Variants in CDKN2AIP observed in about 807,000 individuals in gnomAD.
CDKN2AIP encodes the protein CDKN2A interacting protein, also known as CDKN2A-interacting protein.
Under a neutral mutation model 44.1 loss-of-function variants are expected in CDKN2AIP, and 12 were observed. That is an observed-to-expected ratio of 0.27 (90% CI 0.17 to 0.44). The LOEUF (loss-of-function observed/expected upper bound fraction) is 0.44, where lower values mean the gene tolerates loss of function less well. CDKN2AIP is among the 20% of genes least tolerant of loss of function. The pLI is 1.00. For missense variants in CDKN2AIP, 705 were observed against 681.6 expected (o/e 1.03, Z -0.38); for synonymous variants, 291 against 272.1 (o/e 1.07, Z -0.68).
In CDKN2AIP at chr4:183,444,763, CCGGTGCAGCTGTGTTCG is replaced by C; in HGVS notation, c.-31_-15del. The C allele has an allele frequency of 6.7e-7, 1 of 1,485,088 alleles. No homozygotes were observed. Among genetic ancestry groups the C allele is most frequent in the Non-Finnish European group, 9.0e-7 (1 of 1,110,140 alleles). 92.0% of individuals were successfully genotyped at this position (1,485,088 alleles called of 1,614,324 possible). On this transcript the variant is annotated 5_prime_UTR_variant, in exon 1 of 3. Transcript: ENST00000504169. ...TCGCCCCGCTAGTCCTGCCTGTCTC[CCGGTGCAGCTGTGTTCG>C]CGGCCTGCAGGCCCAACATGGCGCA... is the stretch of plus-strand genomic sequence containing the variant.
At position 183,446,376 on chromosome 4, in the gene CDKN2AIP, C is replaced by T. The variant is rs200693061; in HGVS notation, c.692C>T (p.Ser231Phe). 1.8e-5 allele frequency: 29 copies of T among 1,610,114 alleles called. No individual in the cohort carries two copies. In the East Asian group the frequency reaches 6.2e-4, roughly 35 times the overall value. ...ACAACGGCAGGATCTGGGAAAGCTT[C>T]TGAAGCAGAAGCTCCAGATAAACAC... ...QVTTAGSGKA[S>F]EAEAPDKHGS... The change falls in exon 3 of 3, where the codon TCT becomes TTT. Residue 231 changes from serine (S) to phenylalanine (F), a missense_variant. Physicochemically the swap from Ser to Phe is radical, Grantham distance 155. Coordinates refer to ENST00000504169, the MANE Select transcript of CDKN2AIP (RefSeq NM_017632.4).
In CDKN2AIP at chr4:183,446,076, TC is replaced by T. The variant is rs560289790; in HGVS notation, c.404-11del. The stretch of plus-strand genomic sequence containing the variant: ...ATTCTTAGTCACATATCTATGTTTT[TC>T]TTCTTTTTAGAAGGGGTAGAAGAGC... On this transcript the variant is annotated splice_polypyrimidine_tract_variant and intron_variant, in intron 2 of 2. Transcript: ENST00000504169. The T allele has an allele frequency of 2.5e-6, 4 of 1,575,320 alleles. No homozygotes were observed. Among genetic ancestry groups the T allele is most frequent in the South Asian group, 2.3e-5 (2 of 85,110 alleles).
chr4:183,444,660 C>G lies in CDKN2AIP; in HGVS notation c.-138C>G, dbSNP rs1440540603. On this transcript the variant is annotated 5_prime_UTR_variant, in exon 1 of 3. Coordinates refer to ENST00000504169, the MANE Select transcript of CDKN2AIP (RefSeq NM_017632.4). Reference sequence around the variant, plus strand: ...AAGTGGGCGGTTCGGCGGCTCTGGGCGCTGTTGTTTGGTCTTTAGGCCTGC... The same window carrying G: ...AAGTGGGCGGTTCGGCGGCTCTGGGGGCTGTTGTTTGGTCTTTAGGCCTGC... The G allele has an allele frequency of 3.9e-6, 3 of 777,764 alleles. No homozygotes were observed. Among genetic ancestry groups the G allele is most frequent in the South Asian group, 4.5e-5 (2 of 44,090 alleles). 48.2% of individuals were successfully genotyped at this position (777,764 alleles called of 1,614,324 possible).
chr4:183,445,943 G>A (rs1481830957), intron 2 of CDKN2AIP, 145 bp from the exon 3 acceptor site: 5 of 719,134 alleles, frequency 7.0e-6, no homozygotes, highest in African/African-American at 1.8e-5. Flanking sequence ...ACTGTTTTAA[G>A]AAATTAATGA....
chr4:183,445,213 G>T (rs1733640935), intron 1 of CDKN2AIP, 144 bp downstream of exon 1: 5 of 985,206 alleles, frequency 5.1e-6, no homozygotes, highest in African/African-American at 1.6e-5. Flanking sequence ...TGCCCTCTAA[G>T]GGGGAGAAGG....
intron 2 of CDKN2AIP, 157 bp downstream of exon 2, chr4:183,445,822 C>G: frequency 1.5e-6 from 1 of 666,904 alleles, no homozygotes; most frequent in Non-Finnish European, 2.6e-6. Flanking sequence ...ATATCTGTGT[C>G]TTTAGGCTTT....
In CDKN2AIP at chr4:183,446,277, GT is replaced by G; in HGVS notation, c.594del (p.Gln199ArgfsTer24). ...TCAGCTCGGAGCTCTGGCATCTCCAGTCAGAATAGCTCTACAAGTGATGGAG... is the reference window on the plus strand; with the variant it reads ...TCAGCTCGGAGCTCTGGCATCTCCAGCAGAATAGCTCTACAAGTGATGGAG... The part of the protein sequence containing the change: ...GNSARSSGIS[S>X]QNSSTSDGDR... On this transcript the variant is annotated frameshift_variant, in exon 3 of 3. Transcript: ENST00000504169. LOFTEE classifies it high-confidence loss of function. 6.2e-7 allele frequency: 1 copy of G among 1,614,116 alleles called. No individual in the cohort carries two copies. Among genetic ancestry groups the G allele is most frequent in the South Asian group, 1.1e-5 (1 of 91,080 alleles).
rs768951844 is a variant in CDKN2AIP at position 183,444,933 on chromosome 4, C to T, written c.136C>T (p.Leu46=). The T allele has an allele frequency of 1.2e-6, 2 of 1,611,250 alleles. No individual in the cohort carries two copies. The highest frequency in any genetic ancestry group is 1.7e-5 in the Admixed American group (1 of 59,920). The change falls in exon 1 of 3, where the codon CTG becomes TTG. Residue 46 remains leucine, a synonymous_variant. Coordinates refer to ENST00000504169, the MANE Select transcript of CDKN2AIP (RefSeq NM_017632.4). ...TTTTTTGCTTCGCAACGCCGGGGAC[C>T]TGGCCCCCGCTGGCGGCGCTGCCTC... The part of the protein sequence containing the change: ...RDFLLRNAGD[L]APAGGAASAS...
chr4:183,444,992 CGGGACCCG>C lies in CDKN2AIP; in HGVS notation c.196_203del (p.Gly66LysfsTer31). 3 of 1,604,898 alleles carry C rather than the reference CGGGACCCG, an allele frequency of 1.9e-6. No homozygotes were observed. The highest frequency in any genetic ancestry group is 1.1e-5 in the South Asian group (1 of 90,414). On this transcript the variant is annotated frameshift_variant, in exon 1 of 3. Transcript: ENST00000504169. LOFTEE classifies it high-confidence loss of function. ...CGGATGAAGCTGCCGACGCCGAGAGCGGGACCCGAAACCGGCAGCTGCAGCAGCTCATC... is the reference window on the plus strand; with the variant it reads ...CGGATGAAGCTGCCGACGCCGAGAGCAAACCGGCAGCTGCAGCAGCTCATC...
In CDKN2AIP at chr4:183,447,271, A is replaced by G. The variant is rs1416279407; in HGVS notation, c.1587A>G (p.Arg529=). Residue 529 remains arginine, a synonymous_variant, in exon 3 of 3, where the codon AGA becomes AGG. Transcript: ENST00000504169. ...SKENAKAVAS[R]EALKLFLKKK... ...AAAATGCAAAAGCAGTTGCATCAAGAGAAGCATTGAAGTTATTTCTCAAGA... is the reference window on the plus strand; with the variant it reads ...AAAATGCAAAAGCAGTTGCATCAAGGGAAGCATTGAAGTTATTTCTCAAGA... 2 of 1,612,530 alleles carry G rather than the reference A, an allele frequency of 1.2e-6. No homozygotes were observed. Among genetic ancestry groups the G allele is most frequent in the Non-Finnish European group, 1.7e-6 (2 of 1,179,592 alleles).
In CDKN2AIP at chr4:183,445,591, C is replaced by T. The variant is rs562786754; in HGVS notation, c.329C>T (p.Thr110Ile). Residue 110 changes from threonine (T) to isoleucine (I), a missense_variant, in exon 2 of 3, where the codon ACA becomes ATA. Thr to Ile is a moderately conservative substitution (Grantham distance 89, BLOSUM62 -1). Around this residue, in one of 2 missense-constraint regions of CDKN2AIP, gnomAD observed 592 missense variants for 518.0 expected, o/e 1.14. Transcript: ENST00000504169. ...AGTATGGCTGAAGGCATCAAAGTGA[C>T]AGATGCTCCAACCTATACAACAAGA... is the stretch of plus-strand genomic sequence containing the variant. Reference protein sequence around the residue: ...ILSMAEGIKVTDAPTYTTRDE... With the variant: ...ILSMAEGIKVIDAPTYTTRDE... 31 of 1,607,484 alleles carry T rather than the reference C, an allele frequency of 1.9e-5. No homozygotes were observed. The African/African-American group carries it at 4.0e-4, about 21-fold the overall frequency.
In CDKN2AIP at chr4:183,446,463, C is replaced by A; in HGVS notation, c.779C>A (p.Thr260Asn). ...GTGAATAGTCACATGACCCAATCCA[C>A]TGATTCTAGACAACAAAGTGGATCA... ...SSVNSHMTQS[T>N]DSRQQSGSPK... Residue 260 changes from threonine to asparagine, a missense_variant, in exon 3 of 3, where the codon ACT becomes AAT. By Grantham distance (65) the Thr-to-Asn change is moderately conservative (BLOSUM62 0). Transcript: ENST00000504169. The A allele has an allele frequency of 1.9e-6, 3 of 1,613,996 alleles. No individual in the cohort carries two copies. Among genetic ancestry groups the A allele is most frequent in the Non-Finnish European group, 2.5e-6 (3 of 1,179,844 alleles).
rs1281444077 is a variant in CDKN2AIP, at chr4:183,446,858, A to G, written c.1174A>G (p.Ser392Gly). 6.2e-7 allele frequency: 1 copy of G among 1,614,190 alleles called. No homozygotes were observed. The highest frequency in any genetic ancestry group is 1.7e-5 in the Admixed American group (1 of 60,022). Residue 392 changes from serine (S) to glycine (G), a missense_variant, in exon 3 of 3, where the codon AGT becomes GGT. This residue lies in a region of CDKN2AIP where 592 missense variants were observed against 518.0 expected (regional missense o/e 1.14). Transcript: ENST00000504169. ...SLVSKSTSLA[S>G]VSQLASKSSS... ...GGTTTCCAAAAGCACTTCCTTAGCA[A>G]GTGTGTCCCAGTTGGCTTCTAAGAG...
Position 183,446,394 on chromosome 4 carries a change from A to G in CDKN2AIP, c.710A>G (p.Asp237Gly), listed in dbSNP as rs1733679519. Residue 237 changes from aspartate (D) to glycine (G), a missense_variant, in exon 3 of 3, where the codon GAT becomes GGT. By Grantham distance (94) the Asp-to-Gly change is moderately conservative. This residue lies in a region of CDKN2AIP where 592 missense variants were observed against 518.0 expected (regional missense o/e 1.14). Coordinates refer to ENST00000504169, the MANE Select transcript of CDKN2AIP (RefSeq NM_017632.4). ...SGKASEAEAP[D>G]KHGSASFVSL... ...AAAGCTTCTGAAGCAGAAGCTCCAG[A>G]TAAACACGGTTCTGCATCATTTGTT... 2 of 1,569,862 alleles carry G rather than the reference A, an allele frequency of 1.3e-6. No homozygotes were observed. Among genetic ancestry groups the G allele is most frequent in the African/African-American group, 1.4e-5 (1 of 73,344 alleles).
In CDKN2AIP at chr4:183,449,049, TATATA is replaced by T. The variant is rs1733741633; in HGVS notation, c.*1628_*1632del. Among the ~76,000 whole-genome samples, 1 of 152,148 alleles carries T rather than the reference TATATA, an allele frequency of 6.6e-6. No individual in the cohort carries two copies. The highest frequency in any genetic ancestry group is 1.5e-5 in the Non-Finnish European group (1 of 67,998). ...AAAAATTACAACGAACAAATAAATT[TATATA>T]ATATATCCAATTAGGTGGTTTGGTA... On this transcript the variant is annotated 3_prime_UTR_variant, in exon 3 of 3. Transcript: ENST00000504169.
chr4:183,446,231 A>C lies in CDKN2AIP; in HGVS notation c.547A>C (p.Ile183Leu), dbSNP rs758829615. 14 of 1,614,218 alleles carry C rather than the reference A, an allele frequency of 8.7e-6. No individual in the cohort carries two copies. The highest frequency in any genetic ancestry group is 1.2e-5 in the Non-Finnish European group (14 of 1,180,012). The stretch of plus-strand genomic sequence containing the variant: ...CAGTTCAACGTGTATAGGGTCGGCC[A>C]TCAAATCAGAGAGTGGGAACTCAGC... ...ENSSTCIGSA[I>L]KSESGNSARS... The change falls in exon 3 of 3, where the codon ATC becomes CTC. Residue 183 changes from isoleucine to leucine, a missense_variant. This residue lies in a region of CDKN2AIP where 592 missense variants were observed against 518.0 expected (regional missense o/e 1.14). Coordinates refer to ENST00000504169, the MANE Select transcript of CDKN2AIP (RefSeq NM_017632.4).
chr4:183,445,473 T>G (rs902230193), intron 1 of CDKN2AIP, 62 bp from the exon 2 acceptor site: 14 of 677,992 alleles, frequency 2.1e-5, no homozygotes, highest in Admixed American at 2.0e-4. Context: ...GTGGCCTGTT[T>G]TTTGCACAAG....
chr4:183,445,990 GT>G, intron 2 of CDKN2AIP, 97 bp from the exon 3 acceptor site: 1 of 1,012,204 alleles, frequency 9.9e-7, no homozygotes, highest in South Asian at 1.6e-5. Context: ...GTCTTGAAAT[GT>G]TTTCACTTTG....
In CDKN2AIP at chr4:183,445,211, A is replaced by G. The variant is rs1274798616; in HGVS notation, c.272+142A>G. 3 of 971,386 alleles carry G rather than the reference A, an allele frequency of 3.1e-6. No homozygotes were observed. In the Admixed American group the frequency reaches 8.4e-5, roughly 27 times the overall value. The allele number at this position is 971,386 out of a possible 1,614,324, so 60.2% of individuals were successfully genotyped here. ...GAATCCGCCGGCCCGGCTGCCCTCTAAGGGGGAGAAGGGCGTCCCTGCGAG... is the reference window on the plus strand; with the variant it reads ...GAATCCGCCGGCCCGGCTGCCCTCTGAGGGGGAGAAGGGCGTCCCTGCGAG... On this transcript the variant is annotated intron_variant, in intron 1 of 2. Transcript: ENST00000504169.
Sources: gnomAD v4.1 joint callset for allele counts (sites outside exome capture counted in the v4.1 genomes callset) on GRCh38, gnomAD v4.1.1 for gene constraint, gnomAD v4.1.1 regional missense constraint, MANE v1.5 for transcripts, NCBI Gene and HGNC (gene_info 2026-07-23, HGNC 2026-07-21) for gene names.